Variants in ATP1A3 observed in about 807,000 individuals in gnomAD.
ATP1A3 encodes the protein sodium/potassium-transporting ATPase subunit alpha-3.
A neutral mutation model predicts 108.8 loss-of-function variants in ATP1A3; 12 were observed. The ratio of observed to expected loss-of-function variants is 0.11; its 90% CI spans 0.07 to 0.18. The LOEUF (loss-of-function observed/expected upper bound fraction) is 0.18, where lower values mean the gene tolerates loss of function less well. Ranked by LOEUF, ATP1A3 falls within the 10% of genes least tolerant of loss-of-function variation. The pLI is 1.00. For missense variants in ATP1A3, 498 were observed against 1,387.7 expected, an observed-to-expected ratio of 0.36 and a Z score of 10.19; for synonymous variants, 539 against 564.5, an observed-to-expected ratio of 0.95 and a Z score of 0.64.
At chr19:41,983,281 T>C (rs1179733424) in intron 8 of ATP1A3, among the ~76,000 whole-genome samples, 1 of 151,886 alleles carries the variant, frequency 6.6e-6, no homozygotes, top group Non-Finnish European at 1.5e-5. Flanking sequence ...TTTTGCCATG[T>C]TGGCCAGGCT....
chr19:41,974,830 C>G (rs2075148696), intron 16 of ATP1A3, among the ~76,000 whole-genome samples: 1 of 152,220 alleles, frequency 6.6e-6, no homozygotes, highest in Admixed American at 6.5e-5. Context: ...TGCCTGTCGG[C>G]TCAGCAGCAC....
chr19:41,983,524 C>T (rs1357849823), intron 8 of ATP1A3, among the ~76,000 whole-genome samples: 3 of 150,758 alleles, frequency 2.0e-5, no homozygotes, highest in Non-Finnish European at 4.4e-5. Flanking sequence ...AGAGAATGGA[C>T]TTCTGGGGTG....
chr19:41,971,526 G>A (rs144365160), intron 16 of ATP1A3, among the ~76,000 whole-genome samples: 1 of 152,280 alleles, frequency 6.6e-6, no homozygotes, highest in East Asian at 1.9e-4. Flanking sequence ...GGTGAGGGAT[G>A]AATAAACCAC....
At chr19:41,982,148 C>T (rs782571055) in intron 8 of ATP1A3, 42 bp from the exon 9 acceptor site, 21 of 1,613,224 alleles carry the variant, frequency 1.3e-5, no homozygotes, top group East Asian at 6.7e-5. Flanking sequence ...GGGACAAGCC[C>T]GGCAGCAGGG....
chr19:41,981,090 C>T lies in ATP1A3; in HGVS notation c.1437+412G>A, dbSNP rs569525786. Among the ~76,000 whole-genome samples, 3 of 151,218 alleles carry T rather than the reference C, an allele frequency of 2.0e-5. No homozygotes were observed. The highest frequency in any genetic ancestry group is 2.0e-4 in the East Asian group (1 of 5,048). On this transcript the variant is annotated intron_variant, in intron 11 of 22. Coordinates refer to ENST00000648268, the MANE Select transcript of ATP1A3 (RefSeq NM_152296.5). This position sits in a 1 kb window ranked among gnomAD's most constrained non-coding sequence, Gnocchi z 5.0. ...AGGCTCTCTGCAGCCCCAACCTCCC[C>T]GGCTCAGGCAATCCTCCTGCCTCAG...
rs2075081730 is a variant in ATP1A3, at chr19:41,969,710, T to C, written c.2543-130A>G. ...CCCTCCTGGCCCTGTTATCTGGACA[T>C]TGGTTCCCAGAGGGTGACCTGAGGT... On this transcript the variant is annotated intron_variant, in intron 18 of 22. Coordinates refer to ENST00000648268, the MANE Select transcript of ATP1A3 (RefSeq NM_152296.5). 3.0e-6 allele frequency: 4 copies of C among 1,341,914 alleles called. No individual in the cohort carries two copies. The South Asian group carries it at 3.6e-5, about 12-fold the overall frequency. The allele number at this position is 1,341,914 out of a possible 1,614,324, so 83.1% of individuals were successfully genotyped here.
chr19:41,981,214 G>A lies in ATP1A3; in HGVS notation c.1437+288C>T, dbSNP rs1016264983. On this transcript the variant is annotated intron_variant, in intron 11 of 22. Coordinates refer to ENST00000648268, the MANE Select transcript of ATP1A3 (RefSeq NM_152296.5). The surrounding 1 kb of genome is among the most constrained non-coding windows in gnomAD (Gnocchi z 5.0). ...GGGTTTTGCCATCTTGCCCAGGCTC[G>A]TCTCGAACTCCTGGCCTCAAGTGAT... 1.3e-5 allele frequency among the ~76,000 whole-genome samples: 2 copies of A among 151,600 alleles called. No individual in the cohort carries two copies. Among genetic ancestry groups the A allele is most frequent in the Admixed American group, 6.6e-5 (1 of 15,204 alleles).
intron 1 of ATP1A3, chr19:41,993,350 A>G: frequency 6.6e-7 from 1 of 1,526,382 alleles, no homozygotes; most frequent in Non-Finnish European, 8.8e-7. Flanking sequence ...CCCACTACAC[A>G]GTTGCACACG....
chr19:41,985,470 C>G lies in ATP1A3; in HGVS notation c.607-47G>C. On this transcript the variant is annotated intron_variant, in intron 6 of 22. Coordinates refer to ENST00000648268, the MANE Select transcript of ATP1A3 (RefSeq NM_152296.5). This position sits in a 1 kb window ranked among gnomAD's most constrained non-coding sequence, Gnocchi z 8.2. ...AGAGGGTTCAGTCCAGGGCCTGGGA[C>G]AGGAGGGTATTTGTGTACAGGGCTT... 3.2e-6 allele frequency: 5 copies of G among 1,550,082 alleles called. No individual in the cohort carries two copies. The African/African-American group carries it at 4.1e-5, about 13-fold the overall frequency.
chr19:41,983,853 C>T (rs1332794499), intron 8 of ATP1A3, among the ~76,000 whole-genome samples: 1 of 146,758 alleles, frequency 6.8e-6, no homozygotes, highest in African/African-American at 2.6e-5. Context: ...CGGCTCACTG[C>T]AAGCTCTGCC....
At position 41,985,912 on chromosome 19, in the gene ATP1A3, T is replaced by G. The variant is rs2075282534; in HGVS notation, c.558A>C (p.Gly186=). ...TCCGCAGGTCAGCTGGCACTCGGTC[T>G]CCACCCTTGATCTCCACCAGGTCCC... ...VVGDLVEIKG[G]DRVPADLRII... The change falls in exon 6 of 23, where the codon GGA becomes GGC. Residue 186 remains glycine (G), a synonymous_variant. Coordinates refer to ENST00000648268, the MANE Select transcript of ATP1A3 (RefSeq NM_152296.5). The surrounding 1 kb of genome is among the most constrained non-coding windows in gnomAD (Gnocchi z 8.2). 2 of 1,613,914 alleles carry G rather than the reference T, an allele frequency of 1.2e-6. No individual in the cohort carries two copies. Among genetic ancestry groups the G allele is most frequent in the Non-Finnish European group, 1.7e-6 (2 of 1,179,944 alleles).
chr19:41,979,047 G>C (rs2075202996), intron 11 of ATP1A3, among the ~76,000 whole-genome samples: 1 of 150,944 alleles, frequency 6.6e-6, no homozygotes, highest in African/African-American at 2.4e-5. Flanking sequence ...CTGTTGCCCA[G>C]GCTGGAGTGC....
chr19:41,991,671 G>A (rs2075339778), intron 1 of ATP1A3, among the ~76,000 whole-genome samples: 1 of 152,126 alleles, frequency 6.6e-6, no homozygotes, highest in Non-Finnish European at 1.5e-5. Context: ...GGGAGCTGAT[G>A]CTCGGGGCCC....
chr19:41,994,109 G>C lies in ATP1A3; in HGVS notation c.-33C>G, dbSNP rs1555868240. On this transcript the variant is annotated 5_prime_UTR_variant, in exon 1 of 23. Transcript: ENST00000648268. The stretch of plus-strand genomic sequence containing the variant: ...GCTCCGCGGCGAGAGAGCCAGGCGG[G>C]CGGGGCGGGGACCTCGGGGCGGGCT... 1 of 1,570,660 alleles carries C rather than the reference G, an allele frequency of 6.4e-7. No individual in the cohort carries two copies. The highest frequency in any genetic ancestry group is 8.6e-7 in the Non-Finnish European group (1 of 1,163,170).
intron 16 of ATP1A3, among the ~76,000 whole-genome samples, chr19:41,974,262 G>A (rs1454152242): frequency 6.6e-6 from 1 of 152,030 alleles, no homozygotes; most frequent in Non-Finnish European, 1.5e-5. Context: ...TGGGCAACAT[G>A]GCGAAACCCC....
chr19:41,978,807 C>T lies in ATP1A3; in HGVS notation c.1438-9G>A, dbSNP rs782748442. 3 of 1,613,422 alleles carry T rather than the reference C, an allele frequency of 1.9e-6. No homozygotes were observed. The highest frequency in any genetic ancestry group is 1.7e-5 in the Admixed American group (1 of 59,964). Reference sequence around the variant, plus strand: ...GTCTCATGGATGGAGAGCTGGGGACCGATCAGAGGGTGGCGTGCCTGAGCC... The same window carrying T: ...GTCTCATGGATGGAGAGCTGGGGACTGATCAGAGGGTGGCGTGCCTGAGCC... On this transcript the variant is annotated splice_polypyrimidine_tract_variant and intron_variant, in intron 11 of 22. Transcript: ENST00000648268. This position sits in a 1 kb window ranked among gnomAD's most constrained non-coding sequence, Gnocchi z 8.3.
chr19:41,987,960 G>C lies in ATP1A3; in HGVS notation c.333C>G (p.Thr111=). The C allele has an allele frequency of 1.2e-6, 2 of 1,613,976 alleles. No homozygotes were observed. Among genetic ancestry groups the C allele is most frequent in the East Asian group, 2.2e-5 (1 of 44,872 alleles). ...CFLAYGIQAG[T]EDDPSGDNLY... is the part of the protein sequence containing the mutation. ...CGTTGTCACCAGAGGGGTCGTCCTC[G>C]GTGCCCGCCTGGATACCGTAGGCCA... The change falls in exon 4 of 23, where the codon ACC becomes ACG. Residue 111 remains threonine (T), a synonymous_variant. Transcript: ENST00000648268.
At chr19:41,989,002 C>A (rs981968728) in intron 1 of ATP1A3, among the ~76,000 whole-genome samples, 2 of 152,086 alleles carry the variant, frequency 1.3e-5, no homozygotes, top group Non-Finnish European at 2.9e-5. Flanking sequence ...TGGAGTGCAG[C>A]AATCACAGCT....
rs1555863494 is a variant in ATP1A3 at position 41,981,755 on chromosome 19, G to A, written c.1269C>T (p.Phe423=). ...CAGGGATGTTGTCCTGACCACCCTT[G>A]AAGACAGCGCGATTGCAGAGCCCAG... ...HIAGLCNRAV[F]KGGQDNIPVL... The change falls in exon 10 of 23, where the codon TTC becomes TTT. Residue 423 remains phenylalanine, a synonymous_variant. Coordinates refer to ENST00000648268, the MANE Select transcript of ATP1A3 (RefSeq NM_152296.5). The surrounding 1 kb of genome is among the most constrained non-coding windows in gnomAD (Gnocchi z 5.0). 3.1e-6 allele frequency: 5 copies of A among 1,614,230 alleles called. No individual in the cohort carries two copies. In the African/African-American group the frequency reaches 5.3e-5, roughly 17 times the overall value.
Sources: allele counts gnomAD v4.1 joint callset (sites outside exome capture counted in the v4.1 genomes callset), GRCh38; gene constraint gnomAD v4.1.1; non-coding constraint Gnocchi (gnomAD v3.1); transcripts MANE v1.5; gene names NCBI Gene and HGNC (gene_info 2026-07-23, HGNC 2026-07-21).